The following ZNF704 variants were observed in gnomAD, a reference collection of about 807,000 sequenced individuals.
ZNF704 encodes glucocorticoid induced gene 1.
Under a neutral mutation model 44.7 loss-of-function variants are expected in ZNF704, and 10 were observed. The observed-to-expected ratio is 0.22, with a 90% CI of 0.14 to 0.38. The LOEUF (loss-of-function observed/expected upper bound fraction) is 0.38. ZNF704 is among the 10% of genes least tolerant of loss of function. The pLI is 1.00. For missense variants in ZNF704, 390 were observed against 545.5 expected, an observed-to-expected ratio of 0.71 and a Z score of 2.84; for synonymous variants, 211 against 207.6, an observed-to-expected ratio of 1.02 and a Z score of -0.14.
Position 80,844,593 on chromosome 8 carries a change from G to A in ZNF704, c.-21-22978C>T, listed in dbSNP as rs907965407. Among the ~76,000 whole-genome samples, 7 of 152,274 alleles carry A rather than the reference G, an allele frequency of 4.6e-5. No individual in the cohort carries two copies. In the South Asian group the frequency reaches 1.0e-3, roughly 23 times the overall value. On this transcript the variant is annotated intron_variant, in intron 1 of 8. Transcript: ENST00000327835. The stretch of plus-strand genomic sequence containing the variant: ...ACAACAACCAGATAGGGCGGAGCAG[G>A]TGGCTTTACCATTACACTCTGGAAG...
chr8:80,728,045 CAA>C (rs950764219), intron 2 of ZNF704, among the ~76,000 whole-genome samples: 5 of 152,002 alleles, frequency 3.3e-5, no homozygotes, highest in South Asian at 4.2e-4. Flanking sequence ...TTTTTTAGCT[CAA>C]GAGTATAAAA....
chr8:80,665,351 C>T (rs1818173725), intron 5 of ZNF704, among the ~76,000 whole-genome samples: 1 of 152,108 alleles, frequency 6.6e-6, no homozygotes, highest in African/African-American at 2.4e-5. Context: ...AGGCACTGTT[C>T]CAGGGTCTCC....
intron 3 of ZNF704, among the ~76,000 whole-genome samples, chr8:80,689,660 T>G (rs1563519841): frequency 6.6e-6 from 1 of 152,240 alleles, no homozygotes; most frequent in African/African-American, 2.4e-5. Context: ...GTGCTAGATG[T>G]ATAATCATGT....
At chr8:80,667,820 T>C in intron 5 of ZNF704, among the ~76,000 whole-genome samples, 1 of 152,214 alleles carries the variant, frequency 6.6e-6, no homozygotes, top group East Asian at 1.9e-4. Context: ...ATGATTTTGG[T>C]GGCCTACATA....
chr8:80,884,023 A>C, the ZNF704 span, among the ~76,000 whole-genome samples: 3 of 152,244 alleles, frequency 2.0e-5, no homozygotes, highest in Non-Finnish European at 4.4e-5. Context: ...AGACATCAGC[A>C]TATGCTGATA....
intron 2 of ZNF704, among the ~76,000 whole-genome samples, chr8:80,803,768 C>G (rs912199985): frequency 6.6e-6 from 1 of 152,082 alleles, no homozygotes; most frequent in African/African-American, 2.4e-5. Flanking sequence ...AGGACATAGG[C>G]ACAGGCAAAG....
At chr8:80,733,632 T>G (rs1165393554) in intron 2 of ZNF704, among the ~76,000 whole-genome samples, 1 of 152,190 alleles carries the variant, frequency 6.6e-6, no homozygotes, top group Admixed American at 6.5e-5. Flanking sequence ...GTTTCTGGAT[T>G]TCAAATTTTA....
At chr8:80,795,696 C>G (rs1470838892) in intron 2 of ZNF704, among the ~76,000 whole-genome samples, 1 of 130,846 alleles carries the variant, frequency 7.6e-6, no homozygotes, top group African/African-American at 2.9e-5. Context: ...CCAGCCTGGG[C>G]AACAAGAGGG....
At chr8:80,852,823 A>G (rs1258935350) in intron 1 of ZNF704, among the ~76,000 whole-genome samples, 1 of 152,188 alleles carries the variant, frequency 6.6e-6, no homozygotes, top group Non-Finnish European at 1.5e-5. Flanking sequence ...AACTCCTAGA[A>G]AGAAATAATA....
chr8:80,671,673 G>C (rs1304945356), intron 4 of ZNF704, among the ~76,000 whole-genome samples: 1 of 152,168 alleles, frequency 6.6e-6, no homozygotes, highest in East Asian at 1.9e-4. Context: ...TATGGTGACA[G>C]TCACTTCCAT....
chr8:80,672,156 T>C (rs971516237), intron 4 of ZNF704, among the ~76,000 whole-genome samples: 3 of 151,662 alleles, frequency 2.0e-5, no homozygotes, highest in Non-Finnish European at 4.4e-5. Flanking sequence ...GCCAAAAAAA[T>C]AGGAAAAAGA....
At chr8:80,771,700 T>G (rs1487533556) in intron 2 of ZNF704, among the ~76,000 whole-genome samples, 1 of 152,178 alleles carries the variant, frequency 6.6e-6, no homozygotes, top group African/African-American at 2.4e-5. Context: ...CAGCTCATTT[T>G]CTCAACTTAT....
At chr8:80,680,280 T>C (rs1326706825) in intron 4 of ZNF704, among the ~76,000 whole-genome samples, 1 of 152,082 alleles carries the variant, frequency 6.6e-6, no homozygotes, top group Non-Finnish European at 1.5e-5. Flanking sequence ...AGCTATATTC[T>C]AGAAAGCACA....
Position 80,670,618 on chromosome 8 carries a change from G to C in ZNF704, c.559-15C>G, listed in dbSNP as rs1331343026. The stretch of plus-strand genomic sequence containing the variant: ...TTCATGGAATTCTGTAAAGGGGAGA[G>C]AGTGATATTAGAATGGAAACTATTT... On this transcript the variant is annotated splice_polypyrimidine_tract_variant and intron_variant, in intron 4 of 8. Coordinates refer to ENST00000327835, the MANE Select transcript of ZNF704 (RefSeq NM_001033723.3). 3.9e-6 allele frequency: 6 copies of C among 1,533,764 alleles called. No individual in the cohort carries two copies. Among genetic ancestry groups the C allele is most frequent in the South Asian group, 1.1e-5 (1 of 89,082 alleles).
chr8:80,882,844 G>A, the ZNF704 span, among the ~76,000 whole-genome samples: 3 of 151,948 alleles, frequency 2.0e-5, no homozygotes, highest in African/African-American at 7.3e-5. Flanking sequence ...AGTTTAGTTT[G>A]CAGATTTGAT....
chr8:80,717,100 C>T (rs572942268), intron 2 of ZNF704, among the ~76,000 whole-genome samples: 1 of 152,296 alleles, frequency 6.6e-6, no homozygotes, highest in East Asian at 1.9e-4. Context: ...AATGTAAAAC[C>T]TTGGCAGGGA....
intron 2 of ZNF704, among the ~76,000 whole-genome samples, chr8:80,790,567 A>C (rs929992371): frequency 5.3e-5 from 8 of 152,342 alleles, no homozygotes; most frequent in Non-Finnish European, 1.0e-4. Flanking sequence ...TATATGCAAG[A>C]AAGTGATCAG....
At chr8:80,701,679 AAGAGGGAAG>A (rs1343211051) in intron 2 of ZNF704, among the ~76,000 whole-genome samples, 2 of 152,200 alleles carry the variant, frequency 1.3e-5, no homozygotes, top group Non-Finnish European at 2.9e-5. Context: ...TTACAGATAC[AAGAGGGAAG>A]AGAGGGAAGA....
chr8:80,751,137 T>C (rs1806936033), intron 2 of ZNF704, among the ~76,000 whole-genome samples: 1 of 152,210 alleles, frequency 6.6e-6, no homozygotes, highest in Non-Finnish European at 1.5e-5. Flanking sequence ...GACATATTTA[T>C]TAGAAAAGAG....
Sources: gnomAD v4.1 joint callset for allele counts (sites outside exome capture counted in the v4.1 genomes callset) on GRCh38, gnomAD v4.1.1 for gene constraint, MANE v1.5 for transcripts, NCBI Gene and HGNC (gene_info 2026-07-23, HGNC 2026-07-21) for gene names.